Variants in ABCC5 observed in about 807,000 individuals in gnomAD.
ABCC5 encodes ATP-binding cassette sub-family C member 5.
A neutral mutation model predicts 160.9 loss-of-function variants in ABCC5; 61 were observed. The observed-to-expected ratio is 0.38, with a 90% CI of 0.31 to 0.47. ABCC5 has a LOEUF of 0.47. Among genes scored for constraint, ABCC5 ranks in the 20% least tolerant of loss-of-function variants. The probability of loss-of-function intolerance (pLI) is 0.99; values close to 1 mark genes in which losing one functional copy is unlikely to be tolerated. For synonymous variants in ABCC5, 666 were observed against 700.6 expected (o/e 0.95, Z 0.78); for missense variants, 1,308 against 1,813.3 (o/e 0.72, Z 5.06).
intron 8 of ABCC5, among the ~76,000 whole-genome samples, chr3:183,980,714 GT>G (rs11364435): frequency 0.23 from 31,302 of 135,926 alleles, 3,396 homozygotes; most frequent in East Asian, 0.43. Context: ...ACACTGTTTT[GT>G]TTTTTTTTTT....
chr3:183,935,699 G>A lies in ABCC5; in HGVS notation c.3854+2202C>T, dbSNP rs142163880. ...GCTAATTTAGTAGAGACAGGGTTTCGCCATGTTGGCCAGGCTGGTCTCGAA... is the reference window on the plus strand; with the variant it reads ...GCTAATTTAGTAGAGACAGGGTTTCACCATGTTGGCCAGGCTGGTCTCGAA... On this transcript the variant is annotated intron_variant, in intron 26 of 29. Transcript: ENST00000334444. Among the ~76,000 whole-genome samples, 1,065 of 148,146 alleles carry A rather than the reference G, an allele frequency of 7.2e-3. 9 individuals are homozygous for A. Among genetic ancestry groups the A allele is most frequent in the Non-Finnish European group, 0.012 (794 of 66,872 alleles).
Position 183,982,853 on chromosome 3 carries a change from C to G in ABCC5, c.746G>C (p.Arg249Pro). 1 of 1,614,206 alleles carries G rather than the reference C, an allele frequency of 6.2e-7. No homozygotes were observed. The highest frequency in any genetic ancestry group is 8.5e-7 in the Non-Finnish European group (1 of 1,180,036). Residue 249 changes from arginine to proline, a missense_variant, in exon 6 of 30, where the codon CGC becomes CCC. Around this residue, in one of 3 missense-constraint regions of ABCC5, gnomAD observed 1,142 missense variants for 1,527.1 expected, o/e 0.75. Transcript: ENST00000334444. This position sits in a 1 kb window ranked among gnomAD's most constrained non-coding sequence, Gnocchi z 5.2. ...TWALNYRTGVRLRGAILTMAF... is the reference protein window; with the variant it reads ...TWALNYRTGVPLRGAILTMAF... ...CATGGTTAGGATGGCCCCCCGCAAG[C>G]GGACACCGGTTCGGTAATTCAATGC...
In ABCC5 at chr3:183,987,288, C is replaced by G. The variant is rs571577141; in HGVS notation, c.591+482G>C. Reference sequence around the variant, plus strand: ...ACTATAAGCCAAACTTAAACGGACTCCAGGTCAGACTCTAAAATCCTCGAC... The same window carrying G: ...ACTATAAGCCAAACTTAAACGGACTGCAGGTCAGACTCTAAAATCCTCGAC... On this transcript the variant is annotated intron_variant, in intron 5 of 29. Transcript: ENST00000334444. This position sits in a 1 kb window ranked among gnomAD's most constrained non-coding sequence, Gnocchi z 4.2. 4 of 253,682 alleles carry G rather than the reference C, an allele frequency of 1.6e-5. No homozygotes were observed. The highest frequency in any genetic ancestry group is 8.9e-5 in the East Asian group (1 of 11,264). 15.7% of individuals were successfully genotyped at this position (253,682 alleles called of 1,614,324 possible).
In ABCC5 at chr3:183,921,153, G is replaced by A. The variant is rs1051929132; in HGVS notation, c.*147C>T. 7 of 522,500 alleles carry A rather than the reference G, an allele frequency of 1.3e-5. No individual in the cohort carries two copies. The African/African-American group carries it at 1.4e-4, about 10-fold the overall frequency. 32.4% of individuals were successfully genotyped at this position (522,500 alleles called of 1,614,324 possible). The stretch of plus-strand genomic sequence containing the variant: ...AATCAAAATATGACTCTCCCTAAAA[G>A]TGAAACACACAAGCCAATCCGGAAC... On this transcript the variant is annotated 3_prime_UTR_variant, in exon 30 of 30. Transcript: ENST00000334444. The surrounding 1 kb of genome is among the most constrained non-coding windows in gnomAD (Gnocchi z 4.1).
intron 17 of ABCC5, among the ~76,000 whole-genome samples, chr3:183,959,052 T>TACACACAC (rs59592606): frequency 0.084 from 12,361 of 148,032 alleles, 792 homozygotes; most frequent in African/African-American, 0.18. Context: ...ATCTATACAG[T>TACACACAC]ACACACACAC....
intron 15 of ABCC5, among the ~76,000 whole-genome samples, chr3:183,962,163 G>A (rs528531040): frequency 6.6e-6 from 1 of 152,298 alleles, no homozygotes; most frequent in East Asian, 1.9e-4. Flanking sequence ...TCAGAGCTTA[G>A]CCTAGCCTAC....
At chr3:183,983,575 G>A (rs1267155865) in intron 5 of ABCC5, 5 of 227,014 alleles carry the variant, frequency 2.2e-5, no homozygotes, top group Admixed American at 6.3e-5. Context: ...CCCCACTCCC[G>A]ACTCCCTCCC....
intron 27 of ABCC5, 52 bp downstream of exon 27, chr3:183,928,695 G>C: frequency 6.5e-7 from 1 of 1,545,586 alleles, no homozygotes; most frequent in South Asian, 1.1e-5. Flanking sequence ...GGGCACTGCT[G>C]TGCTTCCACC....
At chr3:183,930,889 A>G (rs1337839302) in intron 26 of ABCC5, among the ~76,000 whole-genome samples, 2 of 152,224 alleles carry the variant, frequency 1.3e-5, no homozygotes, top group Non-Finnish European at 2.9e-5. Context: ...ACAGCAAGTA[A>G]GTCCATCAGA....
At chr3:183,953,601 G>A (rs558526243) in intron 17 of ABCC5, among the ~76,000 whole-genome samples, 3 of 152,306 alleles carry the variant, frequency 2.0e-5, no homozygotes, top group East Asian at 3.9e-4. Flanking sequence ...TGATGATAGA[G>A]CTATACGCAG....
chr3:183,990,539 G>A (rs10937157), intron 2 of ABCC5, among the ~76,000 whole-genome samples: 31,373 of 152,024 alleles, frequency 0.21, 3,360 homozygotes, highest in East Asian at 0.43. Context: ...CATTTCCTAT[G>A]ACAAAAATTT....
intron 11 of ABCC5, among the ~76,000 whole-genome samples, chr3:183,970,745 C>T (rs910154743): frequency 9.2e-5 from 14 of 152,122 alleles, no homozygotes; most frequent in African/African-American, 3.4e-4. Flanking sequence ...CCTCTGTCCC[C>T]TTCTGTCATA....
intron 22 of ABCC5, 87 bp from the exon 23 acceptor site, chr3:183,947,597 G>T: frequency 9.2e-7 from 1 of 1,085,234 alleles, no homozygotes; most frequent in Non-Finnish European, 1.3e-6. Context: ...GATGATGGAG[G>T]GCACGTATTT....
At chr3:183,989,434 A>G in intron 2 of ABCC5, 51 bp from the exon 3 acceptor site, 1 of 1,591,972 alleles carries the variant, frequency 6.3e-7, no homozygotes, top group Non-Finnish European at 8.6e-7. Context: ...TACACAGGCG[A>G]GAGGCAAACG....
chr3:183,989,217 G>A lies in ABCC5; in HGVS notation c.287+9C>T. On this transcript the variant is annotated intron_variant, in intron 3 of 29. Coordinates refer to ENST00000334444, the MANE Select transcript of ABCC5 (RefSeq NM_005688.4). Reference sequence around the variant, plus strand: ...TGCTTCACTGTCATCACTCAGCACGGCATCTTACTTGGAAGTAGTCCGGAT... The same window carrying A: ...TGCTTCACTGTCATCACTCAGCACGACATCTTACTTGGAAGTAGTCCGGAT... The A allele has an allele frequency of 1.3e-6, 2 of 1,578,684 alleles. No individual in the cohort carries two copies. The highest frequency in any genetic ancestry group is 1.7e-6 in the Non-Finnish European group (2 of 1,154,664).
chr3:184,013,492 G>A (rs1721925001), intron 2 of ABCC5, among the ~76,000 whole-genome samples: 1 of 152,008 alleles, frequency 6.6e-6, no homozygotes, highest in Non-Finnish European at 1.5e-5. Context: ...GACCTCAAGT[G>A]ACCCACCCAC....
intron 29 of ABCC5, among the ~76,000 whole-genome samples, chr3:183,922,264 G>A (rs1280508027): frequency 6.6e-6 from 1 of 151,316 alleles, no homozygotes; most frequent in Non-Finnish European, 1.5e-5. Context: ...CCCAGCTACT[G>A]GGGAGTCTGA....
At position 183,995,819 on chromosome 3, in the gene ABCC5, T is replaced by G. The variant is rs543870795; in HGVS notation, c.130-6436A>C. Among the ~76,000 whole-genome samples the G allele has an allele frequency of 1.7e-3, 264 of 152,284 alleles. 1 individual carries two copies. The highest frequency in any genetic ancestry group is 2.7e-3 in the Non-Finnish European group (186 of 68,022). ...TAGAAGGGGTTTTCTTGTTGTTGTTTTTTTTTAAGACAGAGTCTCACTCTG... is the reference window on the plus strand; with the variant it reads ...TAGAAGGGGTTTTCTTGTTGTTGTTGTTTTTTAAGACAGAGTCTCACTCTG... On this transcript the variant is annotated intron_variant, in intron 2 of 29. Coordinates refer to ENST00000334444, the MANE Select transcript of ABCC5 (RefSeq NM_005688.4).
chr3:184,007,016 CTTT>C (rs376229755), intron 2 of ABCC5, among the ~76,000 whole-genome samples: 4 of 81,160 alleles, frequency 4.9e-5, no homozygotes, highest in African/African-American at 1.1e-4. Flanking sequence ...TTTACTTCTG[CTTT>C]TTTTTTTTTT....
Sources: allele counts gnomAD v4.1 joint callset (sites outside exome capture counted in the v4.1 genomes callset), GRCh38; gene constraint gnomAD v4.1.1; regional missense constraint gnomAD v4.1.1; non-coding constraint Gnocchi (gnomAD v3.1); transcripts MANE v1.5; gene names NCBI Gene and HGNC (gene_info 2026-07-23, HGNC 2026-07-21).